Variants in FANCA observed in about 807,000 individuals in gnomAD.
FANCA encodes the protein Fanconi anemia group A protein.
Under a neutral mutation model 194.3 loss-of-function variants are expected in FANCA, and 236 were observed. That is an observed-to-expected ratio of 1.21 (90% CI 1.09 to 1.35). The LOEUF (loss-of-function observed/expected upper bound fraction) is 1.35. Ranked by LOEUF, FANCA falls within the 40% of genes most tolerant of loss-of-function variation. FANCA has a pLI of 0.00. For synonymous variants in FANCA, 1,014 were observed against 715.8 expected (o/e 1.42, Z -6.65); for missense variants, 2,628 against 1,813.9 (o/e 1.45, Z -8.15).
At chr16:89,763,480 T>A (rs1363949820) in intron 28 of FANCA, among the ~76,000 whole-genome samples, 1 of 151,520 alleles carries the variant, frequency 6.6e-6, no homozygotes, top group Non-Finnish European at 1.5e-5. Context: ...CCAGCCACCT[T>A]GAAATTCTTT....
intron 21 of FANCA, 57 bp downstream of exon 21, chr16:89,775,685 G>A (rs1055748870): frequency 7.0e-7 from 1 of 1,426,720 alleles, no homozygotes; most frequent in Admixed American, 1.9e-5. Flanking sequence ...AGACACTCAA[G>A]GTTAGGAAAA....
intron 32 of FANCA, among the ~76,000 whole-genome samples, chr16:89,749,392 T>C (rs1347325635): frequency 1.3e-5 from 2 of 152,160 alleles, no homozygotes; most frequent in African/African-American, 4.8e-5. Flanking sequence ...TTTTTTGTAT[T>C]TTTTTTGTAT....
At chr16:89,810,541 C>T (rs55774660) in intron 5 of FANCA, 166 bp downstream of exon 5, 142 of 644,882 alleles carry the variant, frequency 2.2e-4, no homozygotes, top group African/African-American at 2.1e-3. Flanking sequence ...GAAGGTACTT[C>T]TTTCCAATCC....
intron 5 of FANCA, 106 bp from the exon 6 acceptor site, chr16:89,808,473 A>T: frequency 8.6e-7 from 1 of 1,161,312 alleles, no homozygotes; most frequent in Non-Finnish European, 1.3e-6. Flanking sequence ...TAGGTTCTTA[A>T]CCATGCCGTA....
At chr16:89,788,167 A>T (rs928087384) in intron 14 of FANCA, among the ~76,000 whole-genome samples, 1 of 152,214 alleles carries the variant, frequency 6.6e-6, no homozygotes, top group African/African-American at 2.4e-5. Flanking sequence ...AGTAAAAATT[A>T]AAACAGATGT....
In FANCA at chr16:89,792,561, A is replaced by G. The variant is rs1250714161; in HGVS notation, c.1007-14T>C. On this transcript the variant is annotated splice_polypyrimidine_tract_variant and intron_variant, in intron 11 of 42. Transcript: ENST00000389301. ...CAGCATCAGATGCTGCAGGGGGAGAAACAGACAAAAACTTCAAGTCAGAGA... is the reference window on the plus strand; with the variant it reads ...CAGCATCAGATGCTGCAGGGGGAGAGACAGACAAAAACTTCAAGTCAGAGA... 1 of 1,611,522 alleles carries G rather than the reference A, an allele frequency of 6.2e-7. No individual in the cohort carries two copies. The highest frequency in any genetic ancestry group is 8.5e-7 in the Non-Finnish European group (1 of 1,179,426).
In FANCA at chr16:89,737,717, C is replaced by T; in HGVS notation, c.*884G>A. On this transcript the variant is annotated 3_prime_UTR_variant, in exon 43 of 43. Coordinates refer to ENST00000389301, the MANE Select transcript of FANCA (RefSeq NM_000135.4). ...GTGAACCATGTGCAGAAATGTCTTCCCAGCTGTGATGGTTTCACATTGTCA... is the reference window on the plus strand; with the variant it reads ...GTGAACCATGTGCAGAAATGTCTTCTCAGCTGTGATGGTTTCACATTGTCA... 1 of 1,596,230 alleles carries T rather than the reference C, an allele frequency of 6.3e-7. No individual in the cohort carries two copies. Among genetic ancestry groups the T allele is most frequent in the South Asian group, 1.1e-5 (1 of 88,718 alleles).
At chr16:89,773,689 G>C (rs958042070) in intron 21 of FANCA, among the ~76,000 whole-genome samples, 1 of 151,972 alleles carries the variant, frequency 6.6e-6, no homozygotes, top group African/African-American at 2.4e-5. Context: ...CATACACACG[G>C]AAGAAAACAA....
chr16:89,761,296 G>A (rs2038943481), intron 29 of FANCA, among the ~76,000 whole-genome samples: 1 of 151,876 alleles, frequency 6.6e-6, no homozygotes, highest in Admixed American at 6.6e-5. Context: ...GCGGGCGCCT[G>A]TAGTCCCAGC....
chr16:89,761,855 G>A, intron 29 of FANCA, 94 bp downstream of exon 29: 1 of 1,000,014 alleles, frequency 1.0e-6, no homozygotes, highest in Non-Finnish European at 1.6e-6. Flanking sequence ...CAAACTCCTG[G>A]ATTCAAGAGA....
chr16:89,814,454 A>G, intron 3 of FANCA, 66 bp downstream of exon 3: 1 of 1,256,478 alleles, frequency 8.0e-7, no homozygotes, highest in East Asian at 2.3e-5. Context: ...TTAATTTAGC[A>G]AACTATGGTT....
intron 31 of FANCA, among the ~76,000 whole-genome samples, chr16:89,751,882 T>A (rs546382346): frequency 2.6e-5 from 4 of 152,168 alleles, no homozygotes; most frequent in Non-Finnish European, 4.4e-5. Flanking sequence ...GCCATTCTCC[T>A]GCCTCAGCCT....
In FANCA at chr16:89,738,054, G is replaced by A. The variant is rs1189976388; in HGVS notation, c.*547C>T. On this transcript the variant is annotated 3_prime_UTR_variant, in exon 43 of 43. Transcript: ENST00000389301. ...TGACCAAACACAAGGCTGAGACTGA[G>A]CTGGACTTTGCCTGTGACCAGTGTG... 6.2e-7 allele frequency: 1 copy of A among 1,614,030 alleles called. No individual in the cohort carries two copies. The highest frequency in any genetic ancestry group is 2.2e-5 in the East Asian group (1 of 44,896).
At chr16:89,770,466 C>G in intron 24 of FANCA, 98 bp downstream of exon 24, 1 of 1,225,694 alleles carries the variant, frequency 8.2e-7, no homozygotes, top group East Asian at 2.5e-5. Context: ...CATGCTCCTG[C>G]GGAGACGAGC....
Position 89,742,921 on chromosome 16 carries a change from GC to G in FANCA, c.3643del (p.Ala1215LeufsTer32), listed in dbSNP as rs758960374. ...GTCCGGGTTGGGTGCTGGGGAGGCA[GC>G]CTCAGGGGAGAGGAAACTGGGACAG... ...QFASDFLSPE[A>X]ASPAPNPDWL... On this transcript the variant is annotated frameshift_variant, in exon 37 of 43. Coordinates refer to ENST00000389301, the MANE Select transcript of FANCA (RefSeq NM_000135.4). LOFTEE classifies it high-confidence loss of function. The G allele has an allele frequency of 6.2e-7, 1 of 1,614,100 alleles. No individual in the cohort carries two copies. Among genetic ancestry groups the G allele is most frequent in the East Asian group, 2.2e-5 (1 of 44,888 alleles).
chr16:89,754,852 C>T (rs12924254), intron 30 of FANCA, among the ~76,000 whole-genome samples: 6 of 152,244 alleles, frequency 3.9e-5, no homozygotes, highest in South Asian at 2.1e-4. Flanking sequence ...ACATGCAGTC[C>T]GTATCAGGGT....
At chr16:89,770,288 A>G (rs764546968) in intron 24 of FANCA, 29 bp from the exon 25 acceptor site, 2 of 1,537,734 alleles carry the variant, frequency 1.3e-6, no homozygotes, top group East Asian at 2.4e-5. Context: ...AACCATCAGT[A>G]CTAGCCATTC....
At chr16:89,744,558 G>C in intron 36 of FANCA, 1 of 334,490 alleles carries the variant, frequency 3.0e-6, no homozygotes, top group Admixed American at 4.2e-5. Context: ...GCCCACATTA[G>C]ATTTAAGAGG....
chr16:89,768,509 A>C (rs1371014903), intron 26 of FANCA, among the ~76,000 whole-genome samples: 7 of 152,150 alleles, frequency 4.6e-5, no homozygotes, highest in Admixed American at 3.3e-4. Flanking sequence ...TACATAAATT[A>C]GCTGGGCATG....
Sources: allele counts gnomAD v4.1 joint callset (sites outside exome capture counted in the v4.1 genomes callset), GRCh38; gene constraint gnomAD v4.1.1; transcripts MANE v1.5; gene names NCBI Gene and HGNC (gene_info 2026-07-23, HGNC 2026-07-21).